Variants in MRTFA observed in about 807,000 individuals in gnomAD.
The protein encoded by MRTFA is myocardin-related transcription factor A.
In MRTFA, 20 loss-of-function variants were observed where a neutral mutation model predicts 83.5. The observed-to-expected ratio is 0.24, with a 90% CI of 0.17 to 0.35. The LOEUF is 0.35. MRTFA is among the 10% of genes least tolerant of loss of function. The probability of loss-of-function intolerance (pLI) is 1.00; values close to 1 mark genes in which losing one functional copy is unlikely to be tolerated. For missense variants in MRTFA, 1,200 were observed against 1,224.7 expected (o/e 0.98, Z 0.30); for synonymous variants, 659 against 541.2 (o/e 1.22, Z -3.02).
At chr22:40,442,322 G>C (rs1260124165) in intron 4 of MRTFA, among the ~76,000 whole-genome samples, 1 of 152,186 alleles carries the variant, frequency 6.6e-6, no homozygotes, top group African/African-American at 2.4e-5. Flanking sequence ...CAAAGGCTAT[G>C]AACATAATAC....
intron 3 of MRTFA, among the ~76,000 whole-genome samples, chr22:40,502,745 C>T (rs1176299989): frequency 1.3e-5 from 2 of 151,986 alleles, no homozygotes; most frequent in Non-Finnish European, 2.9e-5. Flanking sequence ...GTCTGCTTCT[C>T]CAGCCGCTGC....
intron 3 of MRTFA, among the ~76,000 whole-genome samples, chr22:40,464,806 T>G (rs1406652309): frequency 6.6e-6 from 1 of 152,166 alleles, no homozygotes; most frequent in Non-Finnish European, 1.5e-5. Flanking sequence ...CCTAATCCCC[T>G]TCCCATCCTT....
chr22:40,561,507 A>T (rs942712229), intron 2 of MRTFA, among the ~76,000 whole-genome samples: 4 of 151,162 alleles, frequency 2.6e-5, no homozygotes, highest in Admixed American at 1.3e-4. Context: ...AAAAAAAAAA[A>T]GTTACTGTAT....
At chr22:40,589,906 C>A (rs2056093797) in intron 2 of MRTFA, among the ~76,000 whole-genome samples, 1 of 151,850 alleles carries the variant, frequency 6.6e-6, no homozygotes, top group Admixed American at 6.6e-5. Flanking sequence ...CCTGTAATCC[C>A]AGCTACTCAG....
At chr22:40,584,997 A>G (rs1418719561) in intron 2 of MRTFA, among the ~76,000 whole-genome samples, 1 of 152,182 alleles carries the variant, frequency 6.6e-6, no homozygotes, top group Non-Finnish European at 1.5e-5. Flanking sequence ...GTGAGCCAAG[A>G]TCGCACCACT....
At chr22:40,516,464 A>C (rs545376182) in intron 3 of MRTFA, among the ~76,000 whole-genome samples, 16 of 151,116 alleles carry the variant, frequency 1.1e-4, no homozygotes, top group African/African-American at 3.6e-4. Context: ...AAAAAAAAAA[A>C]GTTTCTGAAA....
intron 6 of MRTFA, among the ~76,000 whole-genome samples, chr22:40,430,775 G>A (rs1008627392): frequency 4.1e-5 from 6 of 146,476 alleles, no homozygotes; most frequent in African/African-American, 1.5e-4. Flanking sequence ...CAGGAGAATC[G>A]CTTGAACCTG....
intron 1 of MRTFA, among the ~76,000 whole-genome samples, chr22:40,636,167 G>A (rs1399827534): frequency 6.6e-6 from 1 of 152,184 alleles, no homozygotes; most frequent in African/African-American, 2.4e-5. Flanking sequence ...CATCCCGGGA[G>A]AAGCGAGGGC....
rs368163463 is a variant in MRTFA, at chr22:40,448,693, TATTTC to T, written c.308-13144_308-13140del. Among the ~76,000 whole-genome samples, 45 of 152,328 alleles carry T rather than the reference TATTTC, an allele frequency of 3.0e-4. No individual in the cohort carries two copies. In the East Asian group the frequency reaches 7.9e-3, roughly 27 times the overall value. On this transcript the variant is annotated intron_variant, in intron 4 of 14. Transcript: ENST00000355630. ...AATGTCAAAGGGGCACAAATTCTCC[TATTTC>T]TTTTCCCTTCAGCACAGCAGAAAAG...
chr22:40,502,161 A>ACC (rs1161874592), intron 3 of MRTFA, among the ~76,000 whole-genome samples: 15 of 81,668 alleles, frequency 1.8e-4, no homozygotes, highest in East Asian at 3.9e-4. Context: ...CGGGGGGCTG[A>ACC]CCCCCCCCAC....
intron 1 of MRTFA, among the ~76,000 whole-genome samples, chr22:40,609,312 CA>C (rs1222538872): frequency 6.8e-6 from 1 of 146,828 alleles, no homozygotes. Context: ...AAAAAAATTA[CA>C]TTTAGCCAGA....
rs5995866 is a variant in MRTFA at position 40,482,814 on chromosome 22, G to A, written c.242-19528C>T. ...GTAGTCATTCTAGAGCAAACCAAAA[G>A]TGACAAAAAATTGTTTTCCTTAAAA... is the stretch of plus-strand genomic sequence containing the variant. On this transcript the variant is annotated intron_variant, in intron 3 of 14. Transcript: ENST00000355630. Among the ~76,000 whole-genome samples the A allele has an allele frequency of 7.6e-3, 1,154 of 152,224 alleles. 27 individuals are homozygous for A. Among genetic ancestry groups the A allele is most frequent in the Middle Eastern group, 0.075 (22 of 294 alleles).
chr22:40,565,149 C>A (rs746233445), intron 2 of MRTFA, among the ~76,000 whole-genome samples: 9 of 152,158 alleles, frequency 5.9e-5, no homozygotes, highest in Non-Finnish European at 8.8e-5. Flanking sequence ...CTTCTCTATA[C>A]CATTCCCAAC....
intron 3 of MRTFA, among the ~76,000 whole-genome samples, chr22:40,550,852 CTTTTTTT>C (rs111531159): frequency 2.5e-3 from 228 of 89,530 alleles, no homozygotes; most frequent in African/African-American, 7.4e-3. Context: ...TTTCTTTTTT[CTTTTTTT>C]TTTTTTTTTG....
At chr22:40,509,997 A>AAAAAAAAAAAAAT in intron 3 of MRTFA, among the ~76,000 whole-genome samples, 1 of 150,920 alleles carries the variant, frequency 6.6e-6, no homozygotes, top group African/African-American at 2.4e-5. Context: ...AAAAAAAAAA[A>AAAAAAAAAAAAAT]GTGAAGTTAA....
intron 3 of MRTFA, among the ~76,000 whole-genome samples, chr22:40,515,113 T>TGGCCA (rs1172535550): frequency 2.6e-5 from 4 of 151,842 alleles, no homozygotes; most frequent in Admixed American, 2.6e-4. Flanking sequence ...TTCACCATAT[T>TGGCCA]GGCCAGGCTG....
At chr22:40,617,184 A>AGGAGGGAGGGAGGGAGGGAG (rs1202868594) in intron 1 of MRTFA, among the ~76,000 whole-genome samples, 10 of 55,530 alleles carry the variant, frequency 1.8e-4, no homozygotes, top group African/African-American at 4.0e-4. Context: ...GAAGGAGGGA[A>AGGAGGGAGGGAGGGAGGGAG]GGAGGGAGGG....
intron 3 of MRTFA, among the ~76,000 whole-genome samples, chr22:40,516,701 C>T (rs2054766349): frequency 1.3e-5 from 2 of 152,006 alleles, no homozygotes; most frequent in Non-Finnish European, 2.9e-5. Context: ...CTGGTTTTGG[C>T]CATAGGTATA....
chr22:40,481,805 A>G (rs1299772045), intron 3 of MRTFA, among the ~76,000 whole-genome samples: 1 of 152,124 alleles, frequency 6.6e-6, no homozygotes, highest in African/African-American at 2.4e-5. Context: ...TCACGCCTGT[A>G]ATCCCAGCAC....
Sources: gnomAD v4.1 joint callset for allele counts (sites outside exome capture counted in the v4.1 genomes callset) on GRCh38, gnomAD v4.1.1 for gene constraint, MANE v1.5 for transcripts, NCBI Gene and HGNC (gene_info 2026-07-23, HGNC 2026-07-21) for gene names.